The following SLCO4C1 variants were observed in gnomAD, a reference collection of about 807,000 sequenced individuals.
SLCO4C1 encodes solute carrier organic anion transporter family member 4C1.
A neutral mutation model predicts 72.1 loss-of-function variants in SLCO4C1; 58 were observed. That is an observed-to-expected ratio of 0.80 (90% confidence interval 0.65 to 1.00). The LOEUF is 1.00. Ranked by LOEUF, SLCO4C1 falls within the 50% of genes least tolerant of loss-of-function variation. The probability of loss-of-function intolerance (pLI) is 0.00; values close to 1 mark genes in which losing one functional copy is unlikely to be tolerated. For synonymous variants in SLCO4C1, 297 were observed against 312.5 expected (o/e 0.95, Z 0.52); for missense variants, 898 against 857.9 (o/e 1.05, Z -0.58).
intron 2 of SLCO4C1, among the ~76,000 whole-genome samples, chr5:102,282,567 CAAA>C (rs1749377206): frequency 6.6e-6 from 1 of 151,768 alleles, no homozygotes; most frequent in Non-Finnish European, 1.5e-5. Context: ...AATAGAAAAG[CAAA>C]AAGATTCTGC....
At chr5:102,252,293 G>C (rs191288939) in intron 8 of SLCO4C1, among the ~76,000 whole-genome samples, 1 of 152,050 alleles carries the variant, frequency 6.6e-6, no homozygotes, top group African/African-American at 2.4e-5. Flanking sequence ...CAAAGTAGGC[G>C]GAGAACAAGA....
intron 1 of SLCO4C1, among the ~76,000 whole-genome samples, chr5:102,292,180 T>A (rs1017557711): frequency 1.3e-5 from 2 of 152,188 alleles, no homozygotes; most frequent in Non-Finnish European, 2.9e-5. Flanking sequence ...ACAAGACTGA[T>A]GCTTGCTACG....
In SLCO4C1 at chr5:102,261,941, G is replaced by T. The variant is rs138441262; in HGVS notation, c.992C>A (p.Pro331His). ...SWIFAWSLIIPFSCFPKHLPG... is the reference protein window; with the variant it reads ...SWIFAWSLIIHFSCFPKHLPG... ...TAAATGTTTTGGAAAGCAAGAAAAA[G>T]GTATTATTAAAGACCAAGCAAAGAT... is the stretch of plus-strand genomic sequence containing the variant. Residue 331 changes from proline (P) to histidine (H), a missense_variant, in exon 5 of 13, where the codon CCT (proline) becomes CAT (histidine). Physicochemically the swap from Pro to His is moderately conservative, Grantham distance 77. Coordinates refer to ENST00000310954, the MANE Select transcript of SLCO4C1 (RefSeq NM_180991.5). 3 of 1,611,472 alleles carry T rather than the reference G, an allele frequency of 1.9e-6. No individual in the cohort carries two copies. The highest frequency in any genetic ancestry group is 2.2e-5 in the East Asian group (1 of 44,668).
chr5:102,247,022 G>GCACA (rs1000034686), intron 10 of SLCO4C1, among the ~76,000 whole-genome samples: 7 of 152,088 alleles, frequency 4.6e-5, no homozygotes, highest in Non-Finnish European at 8.8e-5. Flanking sequence ...AAAACACCAA[G>GCACA]CACAAGCCAG....
intron 2 of SLCO4C1, among the ~76,000 whole-genome samples, chr5:102,286,365 G>C (rs142434795): frequency 4.3e-4 from 65 of 152,030 alleles, no homozygotes; most frequent in African/African-American, 1.4e-3. Flanking sequence ...GTCTCAAAGA[G>C]ACATAAAGAT....
At chr5:102,268,832 G>A (rs1415970560) in intron 3 of SLCO4C1, among the ~76,000 whole-genome samples, 1 of 151,876 alleles carries the variant, frequency 6.6e-6, no homozygotes, top group African/African-American at 2.4e-5. Context: ...TTTTTTGTAG[G>A]GCCGGTCTAG....
chr5:102,260,063 T>C (rs1748905658), intron 6 of SLCO4C1, 150 bp downstream of exon 6: 1 of 235,846 alleles, frequency 4.2e-6, no homozygotes. Context: ...TGTTTATATG[T>C]ATGTATACAT....
rs753293591 is a variant in SLCO4C1, at chr5:102,249,798, A to C, written c.1470-10T>G. On this transcript the variant is annotated splice_polypyrimidine_tract_variant and intron_variant, in intron 8 of 12. Coordinates refer to ENST00000310954, the MANE Select transcript of SLCO4C1 (RefSeq NM_180991.5). Reference sequence around the variant, plus strand: ...TCCCAATTCTCCAGTCCTGTAAATAAGAAATGAAAGAAGGGTAAATGATCT... The same window carrying C: ...TCCCAATTCTCCAGTCCTGTAAATACGAAATGAAAGAAGGGTAAATGATCT... 7 of 1,610,074 alleles carry C rather than the reference A, an allele frequency of 4.3e-6. 1 individual carries two copies. The South Asian group carries it at 5.5e-5, about 13-fold the overall frequency.
intron 3 of SLCO4C1, 66 bp from the exon 4 acceptor site, chr5:102,263,846 G>T: frequency 8.4e-7 from 1 of 1,192,100 alleles, no homozygotes; most frequent in Non-Finnish European, 1.2e-6. Context: ...ATCTAACAGT[G>T]AAAACAAATA....
chr5:102,286,876 T>A, intron 2 of SLCO4C1, among the ~76,000 whole-genome samples: 1 of 151,864 alleles, frequency 6.6e-6, no homozygotes, highest in East Asian at 1.9e-4. Flanking sequence ...TTCTCACACC[T>A]GTAGAAATCA....
intron 2 of SLCO4C1, among the ~76,000 whole-genome samples, chr5:102,275,962 C>T (rs1034369246): frequency 2.0e-5 from 3 of 152,122 alleles, no homozygotes; most frequent in African/African-American, 7.2e-5. Flanking sequence ...AGCCCTTATA[C>T]AAACAGACTT....
At chr5:102,277,325 C>T (rs1235665370) in intron 2 of SLCO4C1, among the ~76,000 whole-genome samples, 1 of 152,024 alleles carries the variant, frequency 6.6e-6, no homozygotes, top group African/African-American at 2.4e-5. Context: ...GGATCCGGGA[C>T]TTCTACCTCC....
intron 1 of SLCO4C1, among the ~76,000 whole-genome samples, chr5:102,293,977 C>G (rs896874827): frequency 1.3e-5 from 2 of 152,200 alleles, no homozygotes. Context: ...GACACGATCT[C>G]GGTCCACTTC....
At position 102,262,019 on chromosome 5, in the gene SLCO4C1, T is replaced by G. The variant is rs1419920917; in HGVS notation, c.914A>C (p.Glu305Ala). Residue 305 changes from glutamate to alanine, a missense_variant, in exon 5 of 13, where the codon GAG (glutamate) becomes GCG (alanine). Coordinates refer to ENST00000310954, the MANE Select transcript of SLCO4C1 (RefSeq NM_180991.5). ...AGCTCCCAACCATCGCGGATCATCC[T>G]CAGTGACATCAGTGCTATATGATAG... Reference protein sequence around the residue: ...VAMGESTDVTEDDPRWLGAWW... With the variant: ...VAMGESTDVTADDPRWLGAWW... 6.2e-7 allele frequency: 1 copy of G among 1,612,598 alleles called. No individual in the cohort carries two copies. Among genetic ancestry groups the G allele is most frequent in the Non-Finnish European group, 8.5e-7 (1 of 1,179,194 alleles).
intron 10 of SLCO4C1, among the ~76,000 whole-genome samples, chr5:102,245,738 C>T (rs1580240506): frequency 6.6e-6 from 1 of 152,244 alleles, no homozygotes; most frequent in East Asian, 1.9e-4. Context: ...CTGCAGAATA[C>T]ACACTCTTTT....
intron 3 of SLCO4C1, among the ~76,000 whole-genome samples, chr5:102,269,260 T>C (rs1749104405): frequency 6.6e-6 from 1 of 152,172 alleles, no homozygotes. Flanking sequence ...ATGGATTTTC[T>C]ATACCTTTTC....
At chr5:102,295,839 C>A in intron 1 of SLCO4C1, 69 bp downstream of exon 1, 1 of 1,477,592 alleles carries the variant, frequency 6.8e-7, no homozygotes, top group Non-Finnish European at 9.1e-7. Flanking sequence ...CTGCCCTCTC[C>A]CCCGGCTGGC....
At chr5:102,284,634 T>C (rs1580266410) in intron 2 of SLCO4C1, among the ~76,000 whole-genome samples, 1 of 75,274 alleles carries the variant, frequency 1.3e-5, no homozygotes, top group South Asian at 3.6e-4. Context: ...GCGTTCTTCT[T>C]TTTTTTTTTT....
At position 102,251,582 on chromosome 5, in the gene SLCO4C1, C is replaced by A. The variant is rs567543120; in HGVS notation, c.1470-1794G>T. ...TCTAGCCTGGGCAACAGAGTGAGAT[C>A]CCATTTCCAAAAAAAAAAAGAATGG... On this transcript the variant is annotated intron_variant, in intron 8 of 12. Transcript: ENST00000310954. Among the ~76,000 whole-genome samples, 673 of 144,760 alleles carry A rather than the reference C, an allele frequency of 4.6e-3. 12 individuals carry two copies. Among genetic ancestry groups the A allele is most frequent in the African/African-American group, 0.016 (645 of 41,068 alleles). 95.0% of individuals were successfully genotyped at this position (144,760 alleles called of 152,430 possible).
Sources: gnomAD v4.1 joint callset for allele counts (sites outside exome capture counted in the v4.1 genomes callset) on GRCh38, gnomAD v4.1.1 for gene constraint, MANE v1.5 for transcripts, NCBI Gene and HGNC (gene_info 2026-07-23, HGNC 2026-07-21) for gene names.